ITSN1: variants seen among roughly 807,000 people sequenced by gnomAD.
ITSN1 encodes intersectin 1, also known as intersectin-1.
Under a neutral mutation model 239.8 loss-of-function variants are expected in ITSN1, and 58 were observed. The ratio of observed to expected loss-of-function variants is 0.24; its 90% CI spans 0.20 to 0.30. The LOEUF is 0.30. ITSN1 is among the 10% of genes least tolerant of loss of function. The probability of loss-of-function intolerance (pLI) is 1.00; values close to 1 mark genes in which losing one functional copy is unlikely to be tolerated. For missense variants in ITSN1, 1,558 were observed against 2,103.3 expected (o/e 0.74, Z 5.07); for synonymous variants, 780 against 770.8 (o/e 1.01, Z -0.20).
intron 1 of ITSN1, chr21:33,716,492 A>C (rs2147030380): frequency 6.6e-6 from 1 of 152,234 alleles, no homozygotes; most frequent in East Asian, 1.9e-4. Flanking sequence ...ACCTGGCAAA[A>C]CTTAACAGCT....
At chr21:33,834,283 TTGA>T in intron 27 of ITSN1, 21 bp from the exon 28 acceptor site, 1 of 1,548,244 alleles carries the variant, frequency 6.5e-7, no homozygotes, top group Non-Finnish European at 8.9e-7. Context: ...TTAAAAATGT[TTGA>T]TGTAATTATT....
intron 1 of ITSN1, among the ~76,000 whole-genome samples, chr21:33,698,074 G>A (rs1186341700): frequency 1.3e-5 from 2 of 151,998 alleles, no homozygotes; most frequent in Non-Finnish European, 2.9e-5. Flanking sequence ...GCTAGGTTTT[G>A]GTTTTATTAG....
At chr21:33,711,117 T>C (rs761090879) in intron 1 of ITSN1, among the ~76,000 whole-genome samples, 4 of 152,216 alleles carry the variant, frequency 2.6e-5, no homozygotes, top group Non-Finnish European at 4.4e-5. Context: ...TTAATAAATA[T>C]AAGAGTATTC....
At chr21:33,723,961 T>A (rs2065660811) in intron 4 of ITSN1, among the ~76,000 whole-genome samples, 1 of 152,244 alleles carries the variant, frequency 6.6e-6, no homozygotes, top group Admixed American at 6.5e-5. Context: ...TAATAAAGGT[T>A]GATACAGCTT....
chr21:33,643,917 C>G (rs2087690409), intron 1 of ITSN1: 1 of 152,216 alleles, frequency 6.6e-6, no homozygotes, highest in South Asian at 2.1e-4. Context: ...TTGCTAATCC[C>G]GTGGAACGGA....
chr21:33,817,266 C>T (rs1199838018), intron 22 of ITSN1: 6 of 1,304,162 alleles, frequency 4.6e-6, no homozygotes. Context: ...TGAGACTAGG[C>T]CACATGCAGC....
intron 14 of ITSN1, among the ~76,000 whole-genome samples, chr21:33,780,104 T>C (rs1383880221): frequency 6.6e-6 from 1 of 152,248 alleles, no homozygotes; most frequent in Non-Finnish European, 1.5e-5. Context: ...TATTTTTCTA[T>C]GTGTTAACTC....
intron 30 of ITSN1, among the ~76,000 whole-genome samples, chr21:33,857,877 A>T (rs1979663157): frequency 6.6e-6 from 1 of 151,642 alleles, no homozygotes; most frequent in African/African-American, 2.4e-5. Flanking sequence ...CGGCTTAAGG[A>T]CTCCTGTGGA....
chr21:33,713,359 C>G (rs1461965029), intron 1 of ITSN1, among the ~76,000 whole-genome samples: 53 of 152,166 alleles, frequency 3.5e-4, no homozygotes, highest in Non-Finnish European at 2.9e-5. Context: ...CCTGCCTCAG[C>G]CTCCCGAGTA....
chr21:33,647,789 C>T (rs1347514564), intron 1 of ITSN1, among the ~76,000 whole-genome samples: 2 of 152,218 alleles, frequency 1.3e-5, no homozygotes, highest in African/African-American at 4.8e-5. Context: ...AGCCACCACA[C>T]CCAGTCATGG....
intron 1 of ITSN1, among the ~76,000 whole-genome samples, chr21:33,706,035 A>G (rs536333233): frequency 6.6e-6 from 1 of 152,172 alleles, no homozygotes; most frequent in South Asian, 2.1e-4. Context: ...TTATATTTGA[A>G]TTTTGTTCAT....
chr21:33,836,326 T>C (rs2074600870), intron 28 of ITSN1, 115 bp from the exon 29 acceptor site: 4 of 673,518 alleles, frequency 5.9e-6, no homozygotes, highest in Non-Finnish European at 9.3e-6. Context: ...CCACCTACTG[T>C]CACCCTCTTC....
intron 5 of ITSN1, among the ~76,000 whole-genome samples, chr21:33,736,831 A>T (rs1198089325): frequency 6.6e-6 from 1 of 152,148 alleles, no homozygotes; most frequent in Non-Finnish European, 1.5e-5. Context: ...CTGAAAATTT[A>T]AAAATTAACC....
At chr21:33,839,949 C>T (rs2074766071) in intron 29 of ITSN1, among the ~76,000 whole-genome samples, 3 of 152,142 alleles carry the variant, frequency 2.0e-5, no homozygotes, top group Admixed American at 2.0e-4. Context: ...GATCTGGCCC[C>T]AGATGTCACC....
chr21:33,836,426 C>A lies in ITSN1; in HGVS notation c.3470-15C>A. ...GGCGGGTGTGCAGCCGCTCACCCAG[C>A]CCTGTCTCCTGCAGTGTGCCAGGTG... On this transcript the variant is annotated splice_polypyrimidine_tract_variant and intron_variant, in intron 28 of 39. Transcript: ENST00000381318. 6.3e-7 allele frequency: 1 copy of A among 1,579,788 alleles called. No individual in the cohort carries two copies. The highest frequency in any genetic ancestry group is 1.2e-5 in the South Asian group (1 of 86,204).
chr21:33,794,197 G>C (rs1318886465), intron 16 of ITSN1, 144 bp from the exon 17 acceptor site: 2 of 615,568 alleles, frequency 3.2e-6, no homozygotes, highest in Non-Finnish European at 5.8e-6. Context: ...TGTGATTCTA[G>C]CTTTCCAAGT....
At position 33,708,804 on chromosome 21, in the gene ITSN1, T is replaced by C. The variant is rs116868649; in HGVS notation, c.-32-9993T>C. Among the ~76,000 whole-genome samples, 76 of 152,354 alleles carry C rather than the reference T, an allele frequency of 5.0e-4. 2 individuals carry two copies. In the East Asian group the frequency reaches 0.012, roughly 25 times the overall value. ...ATATGAAGCATATATGGTTTTGCAT[T>C]TAGGCCTAGGACCCGTTTTGAATTA... On this transcript the variant is annotated intron_variant, in intron 1 of 39. Transcript: ENST00000381318.
At position 33,898,410 on chromosome 21, in the gene ITSN1, G is replaced by GCC. The variant is rs1205499804; in HGVS notation, c.*10111_*10112dup. The GCC allele has an allele frequency of 6.6e-6, 1 of 152,236 alleles. No homozygotes were observed. Among genetic ancestry groups the GCC allele is most frequent in the African/African-American group, 2.4e-5 (1 of 41,464 alleles). The allele number at this position is 152,236 out of a possible 1,614,324, so 9.4% of individuals were successfully genotyped here. On this transcript the variant is annotated 3_prime_UTR_variant, in exon 40 of 40. Transcript: ENST00000381318. ...TCCATGGAGACCCCAGGGGGAAGATGCCTTCCTCCCGTCTGCATTCCCAGA... is the reference window on the plus strand; with the variant it reads ...TCCATGGAGACCCCAGGGGGAAGATGCCCCTTCCTCCCGTCTGCATTCCCAGA...
rs200646391 is a variant in ITSN1, at chr21:33,885,120, C to T, written c.4756C>T (p.Leu1586=). 2.8e-5 allele frequency: 45 copies of T among 1,613,370 alleles called. No individual in the cohort carries two copies. Among genetic ancestry groups the T allele is most frequent in the African/African-American group, 2.7e-5 (2 of 74,886 alleles). ...GAAAAAGAAGCGCGAGAAAGCGTAC[C>T]TGGGTAATGCATGGCCCCGCGGGGT... ...TEKKKREKAY[L]VRSQRATGIG... Residue 1586 remains leucine (L), a synonymous_variant, in exon 37 of 40, where the codon CTG becomes TTG. Transcript: ENST00000381318.
Sources: allele counts gnomAD v4.1 joint callset (sites outside exome capture counted in the v4.1 genomes callset), GRCh38; gene constraint gnomAD v4.1.1; transcripts MANE v1.5; gene names NCBI Gene and HGNC (gene_info 2026-07-23, HGNC 2026-07-21).